IARS1: variants seen among roughly 807,000 people sequenced by gnomAD.
IARS1 encodes the protein isoleucine--tRNA ligase, cytoplasmic.
In IARS1, 124 loss-of-function variants were observed where a neutral mutation model predicts 168.2. The ratio of observed to expected loss-of-function variants is 0.74; its 90% CI spans 0.64 to 0.86. IARS1 has a LOEUF of 0.86. Among genes scored for constraint, IARS1 ranks in the 40% least tolerant of loss-of-function variants. The pLI is 0.00. For synonymous variants in IARS1, 532 were observed against 529.4 expected (o/e 1.00, Z -0.07); for missense variants, 1,452 against 1,515.8 (o/e 0.96, Z 0.70).
intron 31 of IARS1, among the ~76,000 whole-genome samples, chr9:92,228,254 C>T (rs967170823): frequency 1.3e-5 from 2 of 152,122 alleles, no homozygotes; most frequent in African/African-American, 4.8e-5. Flanking sequence ...TTCCACAGGT[C>T]ACATTTAGAG....
chr9:92,234,624 G>A (rs1827211360), intron 30 of IARS1, among the ~76,000 whole-genome samples: 3 of 152,152 alleles, frequency 2.0e-5, no homozygotes, highest in South Asian at 2.1e-4. Context: ...CTGACCATCC[G>A]ATTCCTTCTA....
intron 31 of IARS1, 36 bp from the exon 32 acceptor site, chr9:92,223,525 G>T: frequency 6.4e-7 from 1 of 1,572,080 alleles, no homozygotes; most frequent in South Asian, 1.1e-5. Context: ...CAGGGTTAAC[G>T]AACAAATTCA....
intron 31 of IARS1, among the ~76,000 whole-genome samples, chr9:92,227,362 T>A (rs1825870724): frequency 6.6e-6 from 1 of 150,916 alleles, no homozygotes; most frequent in African/African-American, 2.4e-5. Context: ...GAGGTGCTCC[T>A]CACTTCCCAG....
At chr9:92,241,806 GT>G (rs1318653814) in intron 29 of IARS1, among the ~76,000 whole-genome samples, 1 of 152,046 alleles carries the variant, frequency 6.6e-6, no homozygotes. Context: ...AGAGTTAAAT[GT>G]TTTTCAAGCC....
Position 92,289,304 on chromosome 9 carries a change from G to A in IARS1, c.116C>T (p.Pro39Leu). ...QECLKQSKHK[P>L]KFTFYDGPPF... is the part of the protein sequence containing the mutation. ...TTAACCTAAAAAATTCACATACTTT[G>A]GTTTATGTTTTGATTGCTTTAAGCA... is the stretch of plus-strand genomic sequence containing the variant. The change falls in exon 2 of 34, where the codon CCA becomes CTA. Residue 39 changes from proline (P) to leucine (L), a missense_variant. Physicochemically the swap from Pro to Leu is moderately conservative, Grantham distance 98 (BLOSUM62 -3). Transcript: ENST00000443024. 1 of 1,316,882 alleles carries A rather than the reference G, an allele frequency of 7.6e-7. No homozygotes were observed. Among genetic ancestry groups the A allele is most frequent in the Non-Finnish European group, 1.1e-6 (1 of 920,356 alleles). The allele number at this position is 1,316,882 out of a possible 1,614,324, so 81.6% of individuals were successfully genotyped here. A position where few individuals can be genotyped will look rare whatever the true frequency, so the allele number is the denominator to read the frequency against.
chr9:92,219,285 T>C (rs932527541), intron 33 of IARS1, among the ~76,000 whole-genome samples: 1 of 152,142 alleles, frequency 6.6e-6, no homozygotes. Context: ...GATTAAAGAC[T>C]TAAACATTAG....
intron 33 of IARS1, among the ~76,000 whole-genome samples, chr9:92,214,491 G>GA (rs1187491314): frequency 1.3e-5 from 2 of 152,158 alleles, no homozygotes; most frequent in African/African-American, 4.8e-5. Context: ...AGTGATTTCT[G>GA]AATTTCCATC....
At chr9:92,236,101 G>GC (rs1368436972) in intron 30 of IARS1, among the ~76,000 whole-genome samples, 1 of 151,928 alleles carries the variant, frequency 6.6e-6, no homozygotes, top group Non-Finnish European at 1.5e-5. Context: ...TCCTGCCTCA[G>GC]CCTCCCGAGT....
At chr9:92,250,567 C>T (rs1453484750) in intron 23 of IARS1, 146 bp downstream of exon 23, 12 of 896,676 alleles carry the variant, frequency 1.3e-5, no homozygotes, top group Non-Finnish European at 1.3e-5. Context: ...TGGGCCCCAT[C>T]CTGCAGCCTG....
chr9:92,227,835 G>A (rs1367121271), intron 31 of IARS1, among the ~76,000 whole-genome samples: 1 of 149,210 alleles, frequency 6.7e-6, no homozygotes, highest in Non-Finnish European at 1.5e-5. Flanking sequence ...GGGCAGAGAC[G>A]CTCCTCACTT....
At chr9:92,231,414 CTTTT>C (rs869062848) in intron 30 of IARS1, among the ~76,000 whole-genome samples, 3 of 135,126 alleles carry the variant, frequency 2.2e-5, no homozygotes, top group Non-Finnish European at 1.6e-5. Context: ...TTATTTTTTT[CTTTT>C]TTTTTTTTTT....
intron 16 of IARS1, 43 bp downstream of exon 16, chr9:92,264,886 A>G: frequency 6.5e-7 from 1 of 1,533,822 alleles, no homozygotes; most frequent in Non-Finnish European, 8.9e-7. Flanking sequence ...CCTAAATAAA[A>G]TAAAATCAAT....
At chr9:92,247,334 G>A in intron 26 of IARS1, 43 bp downstream of exon 26, 2 of 1,572,274 alleles carry the variant, frequency 1.3e-6, no homozygotes, top group Middle Eastern at 1.7e-4. Flanking sequence ...GTATCCCTCA[G>A]ACTCAGGACA....
chr9:92,220,227 A>AT (rs1230807010), intron 33 of IARS1, among the ~76,000 whole-genome samples: 3 of 138,136 alleles, frequency 2.2e-5, no homozygotes, highest in Non-Finnish European at 4.6e-5. Context: ...ATGAGATCAC[A>AT]TGGACACAGG....
Position 92,234,018 on chromosome 9 carries a change from C to T in IARS1, c.3284-4892G>A, listed in dbSNP as rs184099059. ...TAAAGTAATCCTCCTGCCTAAGCCT[C>T]CCAAAATGCTGGGAATACATGCGTG... On this transcript the variant is annotated intron_variant, in intron 30 of 33. Coordinates refer to ENST00000443024, the MANE Select transcript of IARS1 (RefSeq NM_002161.6). 2.6e-3 allele frequency among the ~76,000 whole-genome samples: 396 copies of T among 152,330 alleles called. 4 individuals are homozygous for T. Among genetic ancestry groups the T allele is most frequent in the African/African-American group, 9.1e-3 (379 of 41,566 alleles).
intron 30 of IARS1, among the ~76,000 whole-genome samples, chr9:92,239,589 T>G (rs1204436924): frequency 6.6e-6 from 1 of 152,182 alleles, no homozygotes; most frequent in African/African-American, 2.4e-5. Context: ...TTGCTCGTGG[T>G]GTGTGGCCTC....
At chr9:92,289,812 T>C (rs1836032373) in intron 1 of IARS1, among the ~76,000 whole-genome samples, 1 of 152,230 alleles carries the variant, frequency 6.6e-6, no homozygotes, top group African/African-American at 2.4e-5. Context: ...ATCATCTATA[T>C]GTGGCCTATT....
intron 31 of IARS1, among the ~76,000 whole-genome samples, chr9:92,227,211 ACACAGACACGGCAACCATCCGATTTCT>A (rs1419496849): frequency 1.4e-5 from 2 of 145,312 alleles, no homozygotes; most frequent in Admixed American, 6.8e-5. Flanking sequence ...ACCTCTTTCT[ACACAGACACGGCAACCATCCGATTTCT>A]CAATCTTTTC....
At chr9:92,237,637 T>C (rs1307615986) in intron 30 of IARS1, among the ~76,000 whole-genome samples, 2 of 152,234 alleles carry the variant, frequency 1.3e-5, no homozygotes, top group Admixed American at 1.3e-4. Context: ...TGTAACTCTT[T>C]TGTTAGACGC....
Sources: gnomAD v4.1 joint callset for allele counts (sites outside exome capture counted in the v4.1 genomes callset) on GRCh38, gnomAD v4.1.1 for gene constraint, MANE v1.5 for transcripts, NCBI Gene and HGNC (gene_info 2026-07-23, HGNC 2026-07-21) for gene names.